Variants in AIM2 observed in about 807,000 individuals in gnomAD.
AIM2 encodes interferon-inducible protein AIM2.
In AIM2, 30 loss-of-function variants were observed where a neutral mutation model predicts 27.7. The observed-to-expected ratio is 1.08, with a 90% CI of 0.81 to 1.47. The LOEUF is 1.47. Ranked by LOEUF, AIM2 falls within the 40% of genes most tolerant of loss-of-function variation. The pLI, the probability that AIM2 is intolerant of heterozygous loss-of-function variation, is 0.00. For missense variants in AIM2, 358 were observed against 411.3 expected, an observed-to-expected ratio of 0.87 and a Z score of 1.12; for synonymous variants, 141 against 145.3, an observed-to-expected ratio of 0.97 and a Z score of 0.21.
intron 1 of AIM2, among the ~76,000 whole-genome samples, chr1:159,130,406 T>A (rs979668100): frequency 6.6e-6 from 1 of 152,194 alleles, no homozygotes; most frequent in Non-Finnish European, 1.5e-5. Context: ...CTGGTACATA[T>A]TTGACACCTC....
intron 1 of AIM2, among the ~76,000 whole-genome samples, chr1:159,123,950 A>C (rs1457033655): frequency 1.3e-5 from 2 of 152,208 alleles, no homozygotes; most frequent in East Asian, 3.9e-4. Context: ...GCCACTAACT[A>C]TGCTAAGGAG....
upstream of AIM2, among the ~76,000 whole-genome samples, chr1:159,077,239 G>A (rs1656643668): frequency 6.6e-6 from 1 of 152,208 alleles, no homozygotes; most frequent in South Asian, 2.1e-4. Flanking sequence ...AGGCAATGTG[G>A]TTCACGTACT....
intron 1 of AIM2, among the ~76,000 whole-genome samples, chr1:159,085,711 C>T (rs905753198): frequency 1.3e-5 from 2 of 152,094 alleles, no homozygotes; most frequent in Non-Finnish European, 2.9e-5. Context: ...CTCCAAGCCA[C>T]GTAGAGCTCA....
chr1:159,140,946 C>T (rs558095674), upstream of AIM2, among the ~76,000 whole-genome samples: 5 of 152,256 alleles, frequency 3.3e-5, no homozygotes, highest in African/African-American at 1.2e-4. Flanking sequence ...ATAAAACCTT[C>T]GAGTTTCTGG....
chr1:159,097,180 T>C (rs537274071), intron 1 of AIM2, among the ~76,000 whole-genome samples: 4 of 152,152 alleles, frequency 2.6e-5, no homozygotes, highest in African/African-American at 9.6e-5. Context: ...TGACATTCCT[T>C]ACTAGCCACT....
At chr1:159,064,634 T>C (rs1293292635) in intron 4 of AIM2, among the ~76,000 whole-genome samples, 2 of 152,158 alleles carry the variant, frequency 1.3e-5, no homozygotes, top group Non-Finnish European at 2.9e-5. Flanking sequence ...CCCGGCTAAT[T>C]TTTGTATTTT....
chr1:159,071,730 G>C (rs1306600829), intron 2 of AIM2, among the ~76,000 whole-genome samples: 1 of 152,168 alleles, frequency 6.6e-6, no homozygotes, highest in African/African-American at 2.4e-5. Flanking sequence ...GGCTGATCTC[G>C]AACTCCTGAA....
At chr1:159,089,279 G>A (rs968035529) in intron 1 of AIM2, among the ~76,000 whole-genome samples, 3 of 152,168 alleles carry the variant, frequency 2.0e-5, no homozygotes, top group African/African-American at 7.2e-5. Flanking sequence ...GAGGCTTAGC[G>A]GTGTTTGTGA....
At chr1:159,109,799 T>G (rs1450150288) in intron 1 of AIM2, among the ~76,000 whole-genome samples, 1 of 151,968 alleles carries the variant, frequency 6.6e-6, no homozygotes, top group East Asian at 1.9e-4. Context: ...AACAAACATA[T>G]GAAAAAATGC....
At chr1:159,114,665 G>C (rs532911274) in intron 1 of AIM2, among the ~76,000 whole-genome samples, 3 of 152,172 alleles carry the variant, frequency 2.0e-5, no homozygotes, top group Non-Finnish European at 4.4e-5. Flanking sequence ...AGCCAAGATC[G>C]TGCTACTGCA....
the AIM2 span, among the ~76,000 whole-genome samples, chr1:159,057,456 C>T: frequency 2.6e-5 from 4 of 152,188 alleles, no homozygotes; most frequent in South Asian, 2.1e-4. Context: ...TGGTGCTTGG[C>T]TTTGGTTAGC....
intron 1 of AIM2, among the ~76,000 whole-genome samples, chr1:159,107,516 T>C (rs1284182744): frequency 1.3e-5 from 2 of 152,006 alleles, no homozygotes; most frequent in Admixed American, 1.3e-4. Context: ...GGGAAGAATG[T>C]TACAGAAAGA....
chr1:159,111,019 G>A (rs1010988427), intron 1 of AIM2, among the ~76,000 whole-genome samples: 4 of 151,964 alleles, frequency 2.6e-5, no homozygotes, highest in African/African-American at 4.8e-5. Flanking sequence ...TAATAACAAC[G>A]CTTATTGGGG....
At chr1:159,142,441 G>A (rs1648131980), upstream of AIM2, among the ~76,000 whole-genome samples, 1 of 152,140 alleles carries the variant, frequency 6.6e-6, no homozygotes, top group South Asian at 2.1e-4. Flanking sequence ...GAGGAAGAGT[G>A]GGTGTGTACA....
At chr1:159,123,838 T>C (rs1215070850) in intron 1 of AIM2, among the ~76,000 whole-genome samples, 2 of 152,198 alleles carry the variant, frequency 1.3e-5, no homozygotes, top group Non-Finnish European at 2.9e-5. Context: ...CTGCCACATA[T>C]AGTCAAAAGA....
chr1:159,059,538 C>A (rs1186462787), downstream of AIM2, among the ~76,000 whole-genome samples: 1 of 152,154 alleles, frequency 6.6e-6, no homozygotes, highest in Non-Finnish European at 1.5e-5. Flanking sequence ...ACTTAATGAA[C>A]TCTAAGAAAA....
chr1:159,142,408 AGTGT>A (rs1463638588), upstream of AIM2, among the ~76,000 whole-genome samples: 1 of 152,200 alleles, frequency 6.6e-6, no homozygotes, highest in Non-Finnish European at 1.5e-5. Flanking sequence ...TGTGTGAGAG[AGTGT>A]GTGTATGAGA....
At chr1:159,107,221 A>G (rs1214930290) in intron 1 of AIM2, among the ~76,000 whole-genome samples, 1 of 152,196 alleles carries the variant, frequency 6.6e-6, no homozygotes, top group African/African-American at 2.4e-5. Context: ...CAGTGACCTG[A>G]TAAGTCTTTG....
chr1:159,136,421 G>A (rs1427420008), intron 1 of AIM2, among the ~76,000 whole-genome samples: 1 of 151,946 alleles, frequency 6.6e-6, no homozygotes, highest in Non-Finnish European at 1.5e-5. Context: ...GAAAATCAAG[G>A]GACTTAGACT....
Sources: gnomAD v4.1 joint callset for allele counts (sites outside exome capture counted in the v4.1 genomes callset) on GRCh38, gnomAD v4.1.1 for gene constraint, MANE v1.5 for transcripts, NCBI Gene and HGNC (gene_info 2026-07-23, HGNC 2026-07-21) for gene names.